METTL15: variants seen among roughly 807,000 people sequenced by gnomAD.
METTL15 encodes 12S rRNA N(4)-cytidine methyltransferase METTL15.
In METTL15, 34 loss-of-function variants were observed where a neutral mutation model predicts 38.3. The observed-to-expected ratio is 0.89, with a 90% confidence interval of 0.68 to 1.18. The LOEUF is 1.18. Ranked by LOEUF, METTL15 falls within the 50% of genes most tolerant of loss-of-function variation. The probability of loss-of-function intolerance (pLI) is 0.00; values close to 1 mark genes in which losing one functional copy is unlikely to be tolerated. For missense variants in METTL15, 438 were observed against 498.4 expected, an observed-to-expected ratio of 0.88 and a Z score of 1.15; for synonymous variants, 162 against 170.9, an observed-to-expected ratio of 0.95 and a Z score of 0.41.
intron 5 of METTL15, among the ~76,000 whole-genome samples, chr11:28,374,048 A>G (rs577145847): frequency 2.0e-5 from 3 of 152,116 alleles, no homozygotes; most frequent in Non-Finnish European, 2.9e-5. Context: ...TACCAGTGCC[A>G]TGCTGTTTTG....
At chr11:28,205,506 T>C (rs181054488) in intron 3 of METTL15, among the ~76,000 whole-genome samples, 470 of 152,274 alleles carry the variant, frequency 3.1e-3, no homozygotes, top group African/African-American at 9.1e-3. Flanking sequence ...CAGTCTATCA[T>C]TGATGGACAT....
At chr11:28,386,291 C>T (rs1180303824) in intron 5 of METTL15, among the ~76,000 whole-genome samples, 5 of 151,844 alleles carry the variant, frequency 3.3e-5, no homozygotes, top group Non-Finnish European at 1.5e-5. Flanking sequence ...AAATTAAATG[C>T]CCCAGGCTGA....
intron 4 of METTL15, among the ~76,000 whole-genome samples, chr11:28,254,675 G>A (rs1035025097): frequency 2.6e-5 from 4 of 152,092 alleles, no homozygotes; most frequent in Admixed American, 2.0e-4. Context: ...GCAAGAGATA[G>A]GGGTCTTCAT....
At chr11:28,415,674 G>C (rs149671360) in intron 5 of METTL15, among the ~76,000 whole-genome samples, 2 of 152,256 alleles carry the variant, frequency 1.3e-5, no homozygotes, top group East Asian at 3.9e-4. Flanking sequence ...ACAAATAGAA[G>C]CTATAGTTGA....
At chr11:28,447,522 T>C (rs138479127) in intron 6 of METTL15, among the ~76,000 whole-genome samples, 59 of 152,278 alleles carry the variant, frequency 3.9e-4, no homozygotes, top group African/African-American at 1.4e-3. Flanking sequence ...ATCTCCTTTT[T>C]TTTTCCCACA....
intron 6 of METTL15, among the ~76,000 whole-genome samples, chr11:28,520,037 G>A (rs1450076767): frequency 6.6e-6 from 1 of 152,202 alleles, no homozygotes; most frequent in African/African-American, 2.4e-5. Context: ...TTTTTACTCA[G>A]TCACATAAAG....
At chr11:28,433,632 G>A (rs1478283972) in intron 6 of METTL15, among the ~76,000 whole-genome samples, 2 of 152,154 alleles carry the variant, frequency 1.3e-5, no homozygotes, top group Non-Finnish European at 2.9e-5. Context: ...TGATGATGGT[G>A]GTGATGATGA....
chr11:28,497,240 A>C lies in METTL15; in HGVS notation c.*425-29238A>C, dbSNP rs1167011716. On this transcript the variant is annotated intron_variant and NMD_transcript_variant, in intron 6 of 7. Transcript: ENST00000532947. ...CAAGAAACCTTCTCCTGTTGACTCC[A>C]GTGCTTGCAAATACTAGTGTTTGCT... is the stretch of plus-strand genomic sequence containing the variant. 3.3e-5 allele frequency among the ~76,000 whole-genome samples: 5 copies of C among 152,346 alleles called. No homozygotes were observed. In the East Asian group the frequency reaches 7.7e-4, roughly 24 times the overall value.
intron 5 of METTL15, among the ~76,000 whole-genome samples, chr11:28,375,517 C>T (rs563560499): frequency 6.6e-6 from 1 of 151,904 alleles, no homozygotes; most frequent in East Asian, 1.9e-4. Flanking sequence ...GTAATATCCC[C>T]TTTATCATTT....
intron 3 of METTL15, among the ~76,000 whole-genome samples, chr11:28,164,603 C>T (rs1280723434): frequency 1.3e-5 from 2 of 151,966 alleles, no homozygotes; most frequent in Non-Finnish European, 2.9e-5. Flanking sequence ...TGTTTTGCTG[C>T]ATATGTACAA....
At chr11:28,493,139 T>C (rs937547844) in intron 6 of METTL15, among the ~76,000 whole-genome samples, 3 of 152,140 alleles carry the variant, frequency 2.0e-5, no homozygotes, top group African/African-American at 7.2e-5. Context: ...CATTCTCCTC[T>C]GTGTTCCAGA....
In METTL15 at chr11:28,164,459, T is replaced by A. The variant is rs146370578; in HGVS notation, c.271-46603T>A. 5.0e-3 allele frequency among the ~76,000 whole-genome samples: 764 copies of A among 152,102 alleles called. 7 individuals carry two copies. Among genetic ancestry groups the A allele is most frequent in the African/African-American group, 0.017 (726 of 41,534 alleles). ...ACTGACATTGCCATAATTTATAGGT[T>A]TTTCCCCCATATTTAGCCATACATG... On this transcript the variant is annotated intron_variant, in intron 3 of 6. Coordinates refer to ENST00000407364, the MANE Select transcript of METTL15 (RefSeq NM_001113528.2).
chr11:28,295,362 A>G (rs767138239), intron 5 of METTL15, among the ~76,000 whole-genome samples: 2 of 152,282 alleles, frequency 1.3e-5, no homozygotes, highest in East Asian at 3.9e-4. Context: ...TCCAAGGACC[A>G]GATCTTCATC....
chr11:28,301,015 A>T (rs1856894664), intron 6 of METTL15, among the ~76,000 whole-genome samples: 1 of 152,170 alleles, frequency 6.6e-6, no homozygotes, highest in African/African-American at 2.4e-5. Flanking sequence ...TGAAGTTGCC[A>T]GTTCCATAAA....
At chr11:28,260,254 T>C (rs1432848514) in intron 4 of METTL15, among the ~76,000 whole-genome samples, 1 of 152,210 alleles carries the variant, frequency 6.6e-6, no homozygotes, top group Non-Finnish European at 1.5e-5. Context: ...TTCTTCCCTG[T>C]TTCATAGATG....
intron 3 of METTL15, among the ~76,000 whole-genome samples, chr11:28,173,246 G>C (rs1850925532): frequency 6.6e-6 from 1 of 152,104 alleles, no homozygotes; most frequent in Admixed American, 6.5e-5. Flanking sequence ...CCAGTGTGAT[G>C]GTATTAAGAG....
rs1849852258 is a variant in METTL15 at position 28,332,796 on chromosome 11, A to G, written c.*1955A>G. The stretch of plus-strand genomic sequence containing the variant: ...ATGGCGAAAACCCATCTCTACTAAA[A>G]ATAAAATTAGCCATGCGTGGTGCTT... On this transcript the variant is annotated 3_prime_UTR_variant, in exon 7 of 7. Transcript: ENST00000407364. 6.6e-6 allele frequency: 1 copy of G among 152,204 alleles called. No homozygotes were observed. The highest frequency in any genetic ancestry group is 2.1e-4 in the South Asian group (1 of 4,822). The allele number at this position is 152,204 out of a possible 1,614,324, so 9.4% of individuals were successfully genotyped here.
intron 3 of METTL15, among the ~76,000 whole-genome samples, chr11:28,118,741 A>C (rs1852081922): frequency 6.6e-6 from 1 of 152,168 alleles, no homozygotes; most frequent in South Asian, 2.1e-4. Flanking sequence ...CCACTAGTAC[A>C]AGTAGCTGTG....
At chr11:28,146,118 CA>C (rs1723608456) in intron 3 of METTL15, among the ~76,000 whole-genome samples, 1 of 152,020 alleles carries the variant, frequency 6.6e-6, no homozygotes, top group African/African-American at 2.4e-5. Context: ...AATATATTTT[CA>C]TTGTTTTGTT....
Sources: gnomAD v4.1 joint callset for allele counts (sites outside exome capture counted in the v4.1 genomes callset) on GRCh38, gnomAD v4.1.1 for gene constraint, MANE v1.5 for transcripts, NCBI Gene and HGNC (gene_info 2026-07-23, HGNC 2026-07-21) for gene names.